SAMM50: variants seen among roughly 807,000 people sequenced by gnomAD.
SAMM50 encodes the protein SAMM50 sorting and assembly machinery component.
Under a neutral mutation model 66.9 loss-of-function variants are expected in SAMM50, and 47 were observed. The ratio of observed to expected loss-of-function variants is 0.70; its 90% CI spans 0.56 to 0.90. The LOEUF is 0.90. SAMM50 is among the 40% of genes least tolerant of loss of function. The pLI is 0.00. For synonymous variants in SAMM50, 191 were observed against 214.1 expected (o/e 0.89, Z 0.94); for missense variants, 535 against 595.3 (o/e 0.90, Z 1.05).
At chr22:43,964,748 C>T (rs774280955) in intron 3 of SAMM50, among the ~76,000 whole-genome samples, 195 bp downstream of exon 3, 1 of 152,184 alleles carries the variant, frequency 6.6e-6, no homozygotes, top group Admixed American at 6.5e-5. Context: ...TCCATGTATT[C>T]GCATTTGCCT....
intron 3 of SAMM50, among the ~76,000 whole-genome samples, chr22:43,968,226 C>CAACAAAA: frequency 1.5e-5 from 1 of 68,646 alleles, no homozygotes; most frequent in Non-Finnish European, 2.8e-5. Context: ...AACTCTGTCT[C>CAACAAAA]AAAAAAAAAA....
Position 43,992,922 on chromosome 22 carries a change from A to G in SAMM50, c.1364+2516A>G, listed in dbSNP as rs80130092. On this transcript the variant is annotated intron_variant, in intron 14 of 14. Transcript: ENST00000350028. ...GATGATGCATCCTGATTTTGGAGAT[A>G]ATAAAGTGAAAAAGTGGGCACCTTT... Among the ~76,000 whole-genome samples, 1,370 of 152,322 alleles carry G rather than the reference A, an allele frequency of 9.0e-3. 15 individuals carry two copies. The highest frequency in any genetic ancestry group is 0.014 in the Non-Finnish European group (976 of 68,034).
At chr22:43,979,274 T>C (rs950819512) in intron 10 of SAMM50, among the ~76,000 whole-genome samples, 7 of 152,228 alleles carry the variant, frequency 4.6e-5, no homozygotes, top group African/African-American at 1.4e-4. Flanking sequence ...CTGGTTCTCC[T>C]GCCTCCTTCC....
At chr22:43,985,254 G>A (rs1316431409) in intron 12 of SAMM50, among the ~76,000 whole-genome samples, 1 of 151,962 alleles carries the variant, frequency 6.6e-6, no homozygotes, top group Non-Finnish European at 1.5e-5. Flanking sequence ...CACTCTTAGT[G>A]TTGTACCTTC....
At chr22:43,972,155 G>A (rs2050206788) in intron 4 of SAMM50, 81 bp from the exon 5 acceptor site, 7 of 732,232 alleles carry the variant, frequency 9.6e-6, no homozygotes, top group African/African-American at 3.6e-5. Flanking sequence ...CCTTCAGATT[G>A]CTTTTTGTCT....
At chr22:43,984,224 C>T (rs1025808398) in intron 12 of SAMM50, among the ~76,000 whole-genome samples, 1 of 152,162 alleles carries the variant, frequency 6.6e-6, no homozygotes, top group African/African-American at 2.4e-5. Flanking sequence ...GAAAATGACC[C>T]GCAGTCCTAC....
chr22:43,980,898 G>A (rs1252293584), intron 10 of SAMM50, among the ~76,000 whole-genome samples: 1 of 152,244 alleles, frequency 6.6e-6, no homozygotes, highest in Non-Finnish European at 1.5e-5. Context: ...CCCTGTAAGA[G>A]ACAAGGCTCT....
At chr22:43,973,878 G>T (rs757053276) in intron 7 of SAMM50, among the ~76,000 whole-genome samples, 2 of 152,108 alleles carry the variant, frequency 1.3e-5, no homozygotes, top group African/African-American at 2.4e-5. Context: ...CTCCCAAAGT[G>T]CTGGGATTAC....
At chr22:43,969,672 G>A (rs1356814801) in intron 4 of SAMM50, among the ~76,000 whole-genome samples, 2 of 152,236 alleles carry the variant, frequency 1.3e-5, no homozygotes, top group Non-Finnish European at 2.9e-5. Flanking sequence ...GCATCTGAGC[G>A]AGTATGGGGA....
chr22:43,994,249 C>T (rs934662789), intron 14 of SAMM50, among the ~76,000 whole-genome samples: 5 of 152,186 alleles, frequency 3.3e-5, no homozygotes, highest in African/African-American at 1.2e-4. Flanking sequence ...GGCAGAACCG[C>T]GTCCTACAGG....
In SAMM50 at chr22:43,996,411, G is replaced by T; in HGVS notation, c.*28G>T. On this transcript the variant is annotated 3_prime_UTR_variant, in exon 15 of 15. Coordinates refer to ENST00000350028, the MANE Select transcript of SAMM50 (RefSeq NM_015380.5). Reference sequence around the variant, plus strand: ...GACACCCCTACAGGAGAAGCTCTGGGACTGGGGCAGCAGCAAGGCGCCCAT... The same window carrying T: ...GACACCCCTACAGGAGAAGCTCTGGTACTGGGGCAGCAGCAAGGCGCCCAT... 1 of 1,612,266 alleles carries T rather than the reference G, an allele frequency of 6.2e-7. No individual in the cohort carries two copies. Among genetic ancestry groups the T allele is most frequent in the Non-Finnish European group, 8.5e-7 (1 of 1,178,256 alleles).
Position 43,985,797 on chromosome 22 carries a change from C to T in SAMM50, c.1075+1797C>T, listed in dbSNP as rs2050289270. 2.0e-5 allele frequency among the ~76,000 whole-genome samples: 3 copies of T among 151,836 alleles called. No homozygotes were observed. The South Asian group carries it at 6.2e-4, about 31-fold the overall frequency. ...TGTAAGGAGCTGCCAGGCGAGCTTC[C>T]GGGGTGGCCGCGTCCTTTTGCATTT... On this transcript the variant is annotated intron_variant, in intron 12 of 14. Transcript: ENST00000350028.
At chr22:43,978,323 T>C (rs2050244243) in intron 10 of SAMM50, among the ~76,000 whole-genome samples, 1 of 143,960 alleles carries the variant, frequency 6.9e-6, no homozygotes. Flanking sequence ...AAGTCCCAGC[T>C]ACTCGGGAGG....
chr22:43,969,112 G>A (rs2050190304), intron 4 of SAMM50, among the ~76,000 whole-genome samples: 1 of 152,128 alleles, frequency 6.6e-6, no homozygotes, highest in East Asian at 1.9e-4. Context: ...TGCGGGCCTG[G>A]ATTTTTGTAT....
At chr22:43,990,632 G>A (rs1474198654) in intron 14 of SAMM50, among the ~76,000 whole-genome samples, 2 of 151,950 alleles carry the variant, frequency 1.3e-5, no homozygotes, top group African/African-American at 4.8e-5. Context: ...CAGGTGCTTT[G>A]TGCTTATTGT....
At chr22:43,988,363 A>G (rs910309272) in intron 12 of SAMM50, 11 of 152,204 alleles carry the variant, frequency 7.2e-5, no homozygotes, top group African/African-American at 2.7e-4. Context: ...TTCCCATTTC[A>G]TGGTCTGTCA....
intron 12 of SAMM50, among the ~76,000 whole-genome samples, chr22:43,985,303 A>T (rs904122720): frequency 1.3e-5 from 2 of 151,926 alleles, no homozygotes; most frequent in African/African-American, 4.9e-5. Context: ...TGCATTCACC[A>T]TTCCAGGATC....
At position 43,983,268 on chromosome 22, in the gene SAMM50, A is replaced by T. The variant is rs938914010; in HGVS notation, c.1008-665A>T. 1.3e-5 allele frequency among the ~76,000 whole-genome samples: 2 copies of T among 152,186 alleles called. No individual in the cohort carries two copies. Among genetic ancestry groups the T allele is most frequent in the South Asian group, 4.1e-4 (2 of 4,832 alleles). On this transcript the variant is annotated intron_variant, in intron 11 of 14. Transcript: ENST00000350028. This position sits in a 1 kb window ranked among gnomAD's most constrained non-coding sequence, Gnocchi z 4.2. ...TTACACAGAATTTCTCTTGTCATTTAAATTCATTTTTTAGTAATTATCATA... is the reference window on the plus strand; with the variant it reads ...TTACACAGAATTTCTCTTGTCATTTTAATTCATTTTTTAGTAATTATCATA...
chr22:43,964,827 G>A (rs915557172), intron 3 of SAMM50, among the ~76,000 whole-genome samples: 31 of 152,266 alleles, frequency 2.0e-4, no homozygotes, highest in African/African-American at 6.5e-4. Context: ...CTCTCCCAGC[G>A]CCGTAATGCG....
Sources: allele counts gnomAD v4.1 joint callset (sites outside exome capture counted in the v4.1 genomes callset), GRCh38; gene constraint gnomAD v4.1.1; non-coding constraint Gnocchi (gnomAD v3.1); transcripts MANE v1.5; gene names NCBI Gene and HGNC (gene_info 2026-07-23, HGNC 2026-07-21).